ST18: variants seen among roughly 807,000 people sequenced by gnomAD.
ST18 encodes the protein ST18 C2H2C-type zinc finger transcription factor, also known as suppression of tumorigenicity 18 protein.
Under a neutral mutation model 110.0 loss-of-function variants are expected in ST18, and 50 were observed. The observed-to-expected ratio is 0.45, with a 90% CI of 0.36 to 0.58. The LOEUF is 0.58. ST18 is among the 20% of genes least tolerant of loss of function. ST18 has a pLI of 0.00. For synonymous variants in ST18, 461 were observed against 452.4 expected (o/e 1.02, Z -0.24); for missense variants, 1,306 against 1,280.1 (o/e 1.02, Z -0.31).
rs1041137126 is a variant in ST18, at chr8:52,302,141, G to T, written c.-464-72064C>A. ...GGTGCAGGAGAGGTTTGGGAGCGAT[G>T]GGGTGGAGAGTGGACGCAGTGGCAG... On this transcript the variant is annotated intron_variant, in intron 2 of 25. Coordinates refer to ENST00000689386, the MANE Select transcript of ST18 (RefSeq NM_001352837.2). 2.0e-5 allele frequency among the ~76,000 whole-genome samples: 3 copies of T among 152,222 alleles called. No individual in the cohort carries two copies. The East Asian group carries it at 5.8e-4, about 29-fold the overall frequency.
At chr8:52,314,533 A>G (rs2095986698) in intron 2 of ST18, among the ~76,000 whole-genome samples, 1 of 152,170 alleles carries the variant, frequency 6.6e-6, no homozygotes, top group Non-Finnish European at 1.5e-5. Flanking sequence ...AGTAGACCAG[A>G]TTGACAGTTG....
chr8:52,208,229 T>C (rs2080815672), intron 8 of ST18, among the ~76,000 whole-genome samples: 1 of 152,226 alleles, frequency 6.6e-6, no homozygotes, highest in Non-Finnish European at 1.5e-5. Flanking sequence ...CTAGAAGCAA[T>C]AACACGTCCA....
At chr8:52,352,246 C>T (rs1246911229) in intron 2 of ST18, among the ~76,000 whole-genome samples, 2 of 152,138 alleles carry the variant, frequency 1.3e-5, no homozygotes, top group Non-Finnish European at 2.9e-5. Flanking sequence ...GAGATAAAGT[C>T]AGCCTAGATT....
chr8:52,310,226 T>C (rs1440592518), intron 2 of ST18, among the ~76,000 whole-genome samples: 2 of 152,224 alleles, frequency 1.3e-5, no homozygotes, highest in Non-Finnish European at 2.9e-5. Context: ...TCTTGGTTGC[T>C]ACAGCTGTCA....
intron 2 of ST18, among the ~76,000 whole-genome samples, chr8:52,271,701 A>G (rs1343570698): frequency 6.6e-6 from 1 of 152,188 alleles, no homozygotes; most frequent in Non-Finnish European, 1.5e-5. Flanking sequence ...CCTTTAAGTC[A>G]TCATCTCCCT....
chr8:52,237,126 A>G (rs934344964), intron 2 of ST18, among the ~76,000 whole-genome samples: 8 of 152,228 alleles, frequency 5.3e-5, no homozygotes, highest in African/African-American at 1.9e-4. Flanking sequence ...GATAAAAGGC[A>G]TAGTACATAG....
intron 2 of ST18, among the ~76,000 whole-genome samples, chr8:52,298,944 C>G (rs2095673883): frequency 2.0e-5 from 3 of 152,172 alleles, no homozygotes; most frequent in Admixed American, 2.0e-4. Flanking sequence ...TCTTTTCTAA[C>G]TAGTCATTCT....
intron 2 of ST18, among the ~76,000 whole-genome samples, chr8:52,279,095 C>T (rs530135798): frequency 4.6e-5 from 7 of 152,116 alleles, no homozygotes; most frequent in South Asian, 4.2e-4. Flanking sequence ...ACAGCAGTGT[C>T]GGACCCATAA....
At chr8:52,305,880 C>G (rs1165760061) in intron 2 of ST18, among the ~76,000 whole-genome samples, 1 of 152,210 alleles carries the variant, frequency 6.6e-6, no homozygotes. Context: ...ACTATGTCCT[C>G]TCAACTAAGC....
chr8:52,379,137 C>T (rs1313338013), intron 2 of ST18, among the ~76,000 whole-genome samples: 2 of 143,188 alleles, frequency 1.4e-5, no homozygotes, highest in African/African-American at 2.6e-5. Flanking sequence ...CTTGCTCTGT[C>T]ACCCAGGCTG....
At chr8:52,201,047 G>A (rs1029013447) in intron 8 of ST18, 3 of 152,294 alleles carry the variant, frequency 2.0e-5, no homozygotes, top group Non-Finnish European at 1.5e-5. Flanking sequence ...CCACCAAAGA[G>A]GATCAAGGAC....
chr8:52,347,872 C>G (rs1818460377), intron 2 of ST18, among the ~76,000 whole-genome samples: 1 of 152,216 alleles, frequency 6.6e-6, no homozygotes, highest in African/African-American at 2.4e-5. Context: ...CTCACAGCAG[C>G]ACAGACTGTT....
chr8:52,138,395 C>A (rs2131849532), intron 17 of ST18, among the ~76,000 whole-genome samples: 1 of 152,254 alleles, frequency 6.6e-6, no homozygotes, highest in East Asian at 1.9e-4. Flanking sequence ...AGATGTGTGC[C>A]CCTGCATTTC....
intron 2 of ST18, among the ~76,000 whole-genome samples, chr8:52,239,398 A>G (rs953589503): frequency 1.1e-4 from 17 of 152,288 alleles, no homozygotes; most frequent in Admixed American, 2.6e-4. Flanking sequence ...GTGAAACCAT[A>G]CAGATCACAG....
chr8:52,193,997 A>C (rs2075390919), intron 8 of ST18, among the ~76,000 whole-genome samples: 1 of 152,250 alleles, frequency 6.6e-6, no homozygotes, highest in African/African-American at 2.4e-5. Flanking sequence ...CACTGATTCC[A>C]TTGACAAGGT....
At position 52,133,257 on chromosome 8, in the gene ST18, T is replaced by C. The variant is rs1485005592; in HGVS notation, c.2345A>G (p.Asn782Ser). Reference protein sequence around the residue: ...GCDGSGHVTGNYASHRSLSGC... With the variant: ...GCDGSGHVTGSYASHRSLSGC... ...ATCCTACCTTCTGTGGGAAGCATAG[T>C]TTCCAGTCACGTGCCCCGAGCCATC... The change falls in exon 20 of 26, where the codon AAC becomes AGC. Residue 782 changes from asparagine to serine, a missense_variant. Asn to Ser is a conservative substitution (Grantham distance 46). Transcript: ENST00000689386. 7.4e-6 allele frequency: 12 copies of C among 1,614,194 alleles called. No individual in the cohort carries two copies. Among genetic ancestry groups the C allele is most frequent in the Non-Finnish European group, 1.0e-5 (12 of 1,180,046 alleles).
In ST18 at chr8:52,122,564, C is replaced by T. The variant is rs112349730; in HGVS notation, c.2755+3488G>A. 9.2e-3 allele frequency among the ~76,000 whole-genome samples: 1,407 copies of T among 152,138 alleles called. 18 individuals carry two copies. Among genetic ancestry groups the T allele is most frequent in the African/African-American group, 0.032 (1,331 of 41,530 alleles). On this transcript the variant is annotated intron_variant, in intron 23 of 25. Coordinates refer to ENST00000689386, the MANE Select transcript of ST18 (RefSeq NM_001352837.2). ...GTGGCACGATCTTGGCTCACTGCAA[C>T]CTGTGCCCTCTGAGTTCAAGCGATT...
intron 17 of ST18, among the ~76,000 whole-genome samples, chr8:52,139,350 AATTTTTT>A (rs1340472991): frequency 1.3e-5 from 2 of 151,006 alleles, no homozygotes; most frequent in Admixed American, 6.6e-5. Context: ...ATATACACAC[AATTTTTT>A]ATTTTTTATT....
intron 2 of ST18, among the ~76,000 whole-genome samples, chr8:52,362,501 T>A (rs906890510): frequency 2.0e-5 from 3 of 152,152 alleles, no homozygotes; most frequent in African/African-American, 4.8e-5. Flanking sequence ...GATTAAACAG[T>A]CATAGTACAA....
Sources: allele counts gnomAD v4.1 joint callset (sites outside exome capture counted in the v4.1 genomes callset), GRCh38; gene constraint gnomAD v4.1.1; transcripts MANE v1.5; gene names NCBI Gene and HGNC (gene_info 2026-07-23, HGNC 2026-07-21).